Variants in AK1 observed in about 807,000 individuals in gnomAD.
The protein encoded by AK1 is adenylate kinase 1.
AK1 carries 13 observed loss-of-function variants against 23.9 expected under a neutral mutation model. That is an observed-to-expected ratio of 0.54 (90% CI 0.35 to 0.86). The LOEUF is 0.86. AK1 is among the 40% of genes least tolerant of loss of function. The probability of loss-of-function intolerance (pLI) is 0.01; values close to 1 mark genes in which losing one functional copy is unlikely to be tolerated. For missense variants in AK1, 214 were observed against 255.1 expected (o/e 0.84, Z 1.10); for synonymous variants, 97 against 102.8 (o/e 0.94, Z 0.34).
At chr9:127,878,283 C>A (rs1829583711), upstream of AK1, 2 of 152,288 alleles carry the variant, frequency 1.3e-5, no homozygotes, top group African/African-American at 4.8e-5. Flanking sequence ...AGAAAACCAG[C>A]CCTGCTCCCC....
chr9:127,879,100 C>G (rs150225405), upstream of AK1, among the ~76,000 whole-genome samples: 1 of 145,856 alleles, frequency 6.9e-6, no homozygotes, highest in Non-Finnish European at 1.5e-5. Flanking sequence ...CACACACACA[C>G]AGTCTTCAAA....
At position 127,875,828 on chromosome 9, in the gene AK1, GC is replaced by G. The variant is rs1829526039; in HGVS notation, c.-32-1180del. ...CACTGCCCAACCCTCCCCTCCCCAG[GC>G]TCTCTCCGTCTGTCTCCTCACCACT... On this transcript the variant is annotated intron_variant, in intron 1 of 6. Transcript: ENST00000644144. Among the ~76,000 whole-genome samples, 3 of 152,130 alleles carry G rather than the reference GC, an allele frequency of 2.0e-5. No individual in the cohort carries two copies. In the South Asian group the frequency reaches 6.2e-4, roughly 32 times the overall value.
At position 127,872,148 on chromosome 9, in the gene AK1, T is replaced by C. The variant is rs113569468; in HGVS notation, c.208-209A>G. ...TGAATGATGCATTCACTCAACAGTA[T>C]TCACTGAGACCCTCCTTCCAGCCAG... On this transcript the variant is annotated intron_variant, in intron 4 of 6. Transcript: ENST00000644144. Among the ~76,000 whole-genome samples, 651 of 152,328 alleles carry C rather than the reference T, an allele frequency of 4.3e-3. 6 individuals are homozygous for C. Among genetic ancestry groups the C allele is most frequent in the African/African-American group, 0.015 (619 of 41,578 alleles).
Position 127,868,437 on chromosome 9 carries a change from C to T in AK1, c.400G>A (p.Glu134Lys). 1.2e-6 allele frequency: 2 copies of T among 1,611,158 alleles called. No individual in the cohort carries two copies. The highest frequency in any genetic ancestry group is 2.2e-5 in the South Asian group (2 of 90,174). The change falls in exon 6 of 7, where the codon GAG becomes AAG. Residue 134 changes from glutamate (E) to lysine (K), a missense_variant. Physicochemically the swap from Glu to Lys is moderately conservative, Grantham distance 56 (BLOSUM62 1). Coordinates refer to ENST00000644144, the MANE Select transcript of AK1 (RefSeq NM_000476.3). This position sits in a 1 kb window ranked among gnomAD's most constrained non-coding sequence, Gnocchi z 4.1. ...TTGTCGTCCACACGCCCGCTGGTCT[C>T]TCCACGTTTCAAGAGCCGCTGGGTC... ...TMTQRLLKRGETSGRVDDNEE... is the reference protein window; with the variant it reads ...TMTQRLLKRGKTSGRVDDNEE...
In AK1 at chr9:127,866,500, A is replaced by T. The variant is rs1829251844; in HGVS notation, c.*1508T>A. The T allele has an allele frequency of 6.6e-6, 1 of 152,286 alleles. No individual in the cohort carries two copies. 9.4% of individuals were successfully genotyped at this position (152,286 alleles called of 1,614,324 possible). A position where few individuals can be genotyped will look rare whatever the true frequency, so the allele number is the denominator to read the frequency against. Reference sequence around the variant, plus strand: ...ATAGATTCACCTTTTATAACTTAAAATCGTTTATTTTAAAGGAAACTTTAA... The same window carrying T: ...ATAGATTCACCTTTTATAACTTAAATTCGTTTATTTTAAAGGAAACTTTAA... On this transcript the variant is annotated 3_prime_UTR_variant, in exon 7 of 7. Coordinates refer to ENST00000644144, the MANE Select transcript of AK1 (RefSeq NM_000476.3).
At position 127,871,911 on chromosome 9, in the gene AK1, G is replaced by A. The variant is rs750642408; in HGVS notation, c.236C>T (p.Ala79Val). Residue 79 changes from alanine (A) to valine (V), a missense_variant, in exon 5 of 7, where the codon GCC becomes GTC. Physicochemically the swap from Ala to Val is moderately conservative, Grantham distance 64. Transcript: ENST00000644144. This position sits in a 1 kb window ranked among gnomAD's most constrained non-coding sequence, Gnocchi z 4.4. ...LETVLDMLRD[A>V]MVAKVNTSKG... ...GGAAGTATTGACTTTGGCCACCATG[G>A]CATCCCGGAGCATGTCCAACACTGT... The A allele has an allele frequency of 1.1e-5, 18 of 1,614,008 alleles. No individual in the cohort carries two copies. Among genetic ancestry groups the A allele is most frequent in the Non-Finnish European group, 1.5e-5 (18 of 1,179,994 alleles).
intron 2 of AK1, chr9:127,873,482 C>A: frequency 2.0e-6 from 3 of 1,469,144 alleles, no homozygotes; most frequent in Non-Finnish European, 2.7e-6. Context: ...GTGCACCCTG[C>A]CCTTCCCCTC....
In AK1 at chr9:127,867,781, A is replaced by C; in HGVS notation, c.*227T>G. The stretch of plus-strand genomic sequence containing the variant: ...AGGGGCTGGGGACTTGCGGCCAGGT[A>C]GGCACAAGCACATGAATCAACTCCA... On this transcript the variant is annotated 3_prime_UTR_variant, in exon 7 of 7. Transcript: ENST00000644144. 1.9e-6 allele frequency: 1 copy of C among 528,572 alleles called. No homozygotes were observed. 32.7% of individuals were successfully genotyped at this position (528,572 alleles called of 1,614,324 possible).
At chr9:127,876,188 C>T (rs1005362) in intron 1 of AK1, among the ~76,000 whole-genome samples, 61,202 of 152,096 alleles carry the variant, frequency 0.4, 14,824 homozygotes, top group Non-Finnish European at 0.52. Flanking sequence ...CTTCAGGAAG[C>T]CTTCCTGGAC....
chr9:127,866,639 AG>A lies in AK1; in HGVS notation c.*1368del, dbSNP rs1438757922. On this transcript the variant is annotated 3_prime_UTR_variant, in exon 7 of 7. Transcript: ENST00000644144. The stretch of plus-strand genomic sequence containing the variant: ...GGCTCTCTTGGCTTAAAGGGAGCCC[AG>A]CTTGGGCCAGATCAGGTGTTAAGGA... 1.3e-5 allele frequency: 2 copies of A among 152,260 alleles called. No homozygotes were observed. The highest frequency in any genetic ancestry group is 4.8e-5 in the African/African-American group (2 of 41,464). 9.4% of individuals were successfully genotyped at this position (152,260 alleles called of 1,614,324 possible). A position where few individuals can be genotyped will look rare whatever the true frequency, so the allele number is the denominator to read the frequency against.
At chr9:127,878,686 C>G (rs1488144629), upstream of AK1, among the ~76,000 whole-genome samples, 3 of 152,162 alleles carry the variant, frequency 2.0e-5, no homozygotes, top group Non-Finnish European at 4.4e-5. Flanking sequence ...GAGATTGAGA[C>G]CACCTTCAGT....
chr9:127,874,186 C>G, intron 2 of AK1: 1 of 985,352 alleles, frequency 1.0e-6, no homozygotes, highest in Non-Finnish European at 1.2e-6. Flanking sequence ...GTGTCTCCCT[C>G]TAAGTCCCAG....
intron 2 of AK1, chr9:127,873,975 G>A: frequency 1.0e-6 from 1 of 985,428 alleles, no homozygotes; most frequent in Non-Finnish European, 1.2e-6. Context: ...GGCTCCTCCT[G>A]TGGGCCCCTA....
chr9:127,872,768 C>T lies in AK1; in HGVS notation c.129G>A (p.Leu43=). ...CCGAGCCTGAGCTGACCTCGGACCGCAGGAGGTCCCCGGTGGAGAGGTGGG... is the reference window on the plus strand; with the variant it reads ...CCGAGCCTGAGCTGACCTCGGACCGTAGGAGGTCCCCGGTGGAGAGGTGGG... ...GYTHLSTGDL[L]RSEVSSGSAR... The change falls in exon 4 of 7, where the codon CTG becomes CTA. Residue 43 remains leucine, a synonymous_variant. Coordinates refer to ENST00000644144, the MANE Select transcript of AK1 (RefSeq NM_000476.3). 1 of 1,614,156 alleles carries T rather than the reference C, an allele frequency of 6.2e-7. No individual in the cohort carries two copies. Among genetic ancestry groups the T allele is most frequent in the Non-Finnish European group, 8.5e-7 (1 of 1,180,012 alleles).
In AK1 at chr9:127,873,070, G is replaced by T. The variant is rs1275149867; in HGVS notation, c.8-9C>A. On this transcript the variant is annotated splice_polypyrimidine_tract_variant and intron_variant, in intron 2 of 6. Coordinates refer to ENST00000644144, the MANE Select transcript of AK1 (RefSeq NM_000476.3). ...GGTTTTCTTCAGCTTCTCTGCGGGA[G>T]AGAAAAGGGGAGCAGGGCTCAGTCA... 6.2e-7 allele frequency: 1 copy of T among 1,613,476 alleles called. No homozygotes were observed. The highest frequency in any genetic ancestry group is 1.7e-5 in the Admixed American group (1 of 59,940).
At chr9:127,878,816 G>A (rs1231115459), upstream of AK1, among the ~76,000 whole-genome samples, 1 of 152,206 alleles carries the variant, frequency 6.6e-6, no homozygotes, top group Non-Finnish European at 1.5e-5. Flanking sequence ...GGGGGGGCAG[G>A]TGCAGTGGGG....
At position 127,871,935 on chromosome 9, in the gene AK1, G is replaced by A; in HGVS notation, c.212C>T (p.Thr71Ile). Reference sequence around the variant, plus strand: ...GGCATCCCGGAGCATGTCCAACACTGTCTCCTGGGGCACAGCAAAGGAGGA... The same window carrying A: ...GGCATCCCGGAGCATGTCCAACACTATCTCCTGGGGCACAGCAAAGGAGGA... The part of the protein sequence containing the change: ...MEKGQLVPLE[T>I]VLDMLRDAMV... Residue 71 changes from threonine to isoleucine, a missense_variant, in exon 5 of 7, where the codon ACA becomes ATA. Thr to Ile is a moderately conservative substitution (Grantham distance 89, BLOSUM62 -1). Coordinates refer to ENST00000644144, the MANE Select transcript of AK1 (RefSeq NM_000476.3). The surrounding 1 kb of genome is among the most constrained non-coding windows in gnomAD (Gnocchi z 4.4). 6.2e-7 allele frequency: 1 copy of A among 1,613,362 alleles called. No individual in the cohort carries two copies. The highest frequency in any genetic ancestry group is 8.5e-7 in the Non-Finnish European group (1 of 1,179,482).
In AK1 at chr9:127,871,110, TTG is replaced by T. The variant is rs968947136; in HGVS notation, c.324+711_324+712del. 1.7e-4 allele frequency among the ~76,000 whole-genome samples: 26 copies of T among 151,812 alleles called. 1 individual carries two copies. Among genetic ancestry groups the T allele is most frequent in the African/African-American group, 6.1e-4 (25 of 41,056 alleles). ...TGCATGTGTGCACATGCCCCTGGCCTTGTGTGTATGAACTTGTGGGGCTTGTG... is the reference window on the plus strand; with the variant it reads ...TGCATGTGTGCACATGCCCCTGGCCTTGTGTATGAACTTGTGGGGCTTGTG... On this transcript the variant is annotated intron_variant, in intron 5 of 6. Transcript: ENST00000644144. The surrounding 1 kb of genome is among the most constrained non-coding windows in gnomAD (Gnocchi z 4.4).
chr9:127,867,889 C>A lies in AK1; in HGVS notation c.*119G>T. 1 of 951,778 alleles carries A rather than the reference C, an allele frequency of 1.1e-6. No homozygotes were observed. The highest frequency in any genetic ancestry group is 1.7e-6 in the Non-Finnish European group (1 of 589,210). The allele number at this position is 951,778 out of a possible 1,614,324, so 59.0% of individuals were successfully genotyped here. On this transcript the variant is annotated 3_prime_UTR_variant, in exon 7 of 7. Coordinates refer to ENST00000644144, the MANE Select transcript of AK1 (RefSeq NM_000476.3). ...CAGCTGTCCATGAAAACAGGATAAG[C>A]GGCTTCCTCCGTCTGTGCTCAGCAG...
Sources: allele counts gnomAD v4.1 joint callset (sites outside exome capture counted in the v4.1 genomes callset), GRCh38; gene constraint gnomAD v4.1.1; non-coding constraint Gnocchi (gnomAD v3.1); transcripts MANE v1.5; gene names NCBI Gene and HGNC (gene_info 2026-07-23, HGNC 2026-07-21).